The following KALRN variants were observed in gnomAD, a reference collection of about 807,000 sequenced individuals.
The protein encoded by KALRN is kalirin.
KALRN carries 70 observed loss-of-function variants against 353.7 expected under a neutral mutation model. The ratio of observed to expected loss-of-function variants is 0.20; its 90% CI spans 0.16 to 0.24. KALRN has a LOEUF of 0.24. Ranked by LOEUF, KALRN falls within the 10% of genes least tolerant of loss-of-function variation. The pLI is 1.00. For synonymous variants in KALRN, 1,391 were observed against 1,434.8 expected, an observed-to-expected ratio of 0.97 and a Z score of 0.69; for missense variants, 2,791 against 3,756.7, an observed-to-expected ratio of 0.74 and a Z score of 6.72.
chr3:124,444,437 T>C (rs1397457430), intron 19 of KALRN, among the ~76,000 whole-genome samples: 2 of 152,278 alleles, frequency 1.3e-5, no homozygotes, highest in East Asian at 3.9e-4. Flanking sequence ...CAACTGTACT[T>C]GCCTCTTTGG....
At chr3:124,086,350 TG>T (rs2060820918) in intron 1 of KALRN, among the ~76,000 whole-genome samples, 4 of 147,770 alleles carry the variant, frequency 2.7e-5, no homozygotes, top group Non-Finnish European at 6.0e-5. Flanking sequence ...TGTGTGTGTG[TG>T]TGTTTTTGCT....
intron 2 of KALRN, among the ~76,000 whole-genome samples, chr3:124,232,472 T>G (rs3821523): frequency 0.049 from 7,524 of 152,256 alleles, 302 homozygotes; most frequent in East Asian, 0.18. Flanking sequence ...CTCCTCTCTC[T>G]TGGAGTTCAA....
intron 3 of KALRN, among the ~76,000 whole-genome samples, chr3:124,249,872 C>T (rs907859329): frequency 4.6e-5 from 7 of 152,212 alleles, no homozygotes; most frequent in Admixed American, 2.6e-4. Flanking sequence ...TTCCCAGGTT[C>T]CCACTAGTGT....
At chr3:124,510,768 A>T (rs1014208894) in intron 33 of KALRN, among the ~76,000 whole-genome samples, 1 of 152,088 alleles carries the variant, frequency 6.6e-6, no homozygotes, top group Admixed American at 6.6e-5. Context: ...TCATGCTCCC[A>T]ATGAGAACTG....
intron 13 of KALRN, among the ~76,000 whole-genome samples, chr3:124,412,209 A>G (rs536849525): frequency 1.3e-5 from 2 of 152,208 alleles, no homozygotes; most frequent in Admixed American, 6.5e-5. Flanking sequence ...GCTTCAATCC[A>G]TCGTCTGTCT....
intron 6 of KALRN, among the ~76,000 whole-genome samples, chr3:124,310,085 A>T (rs34703684): frequency 6.6e-6 from 1 of 152,202 alleles, no homozygotes; most frequent in Non-Finnish European, 1.5e-5. Context: ...ATACAAAATG[A>T]ATAAACAAAA....
At chr3:124,094,801 C>T (rs371973204) in intron 1 of KALRN, 9 of 1,593,208 alleles carry the variant, frequency 5.6e-6, no homozygotes, top group East Asian at 2.2e-5. Flanking sequence ...GAGGCTCTGC[C>T]GAGGGGACTG....
chr3:124,203,267 G>GA (rs1181095375), intron 1 of KALRN, among the ~76,000 whole-genome samples: 2 of 152,134 alleles, frequency 1.3e-5, no homozygotes, highest in African/African-American at 4.8e-5. Context: ...CGTTATCCCT[G>GA]AGCTGAGAGT....
intron 20 of KALRN, among the ~76,000 whole-genome samples, chr3:124,446,515 G>A (rs2093843946): frequency 6.6e-6 from 1 of 152,198 alleles, no homozygotes; most frequent in Non-Finnish European, 1.5e-5. Flanking sequence ...CCTAATTCGT[G>A]GATGATATTA....
At chr3:124,461,040 C>T (rs763168128) in intron 23 of KALRN, among the ~76,000 whole-genome samples, 1 of 152,118 alleles carries the variant, frequency 6.6e-6, no homozygotes, top group Non-Finnish European at 1.5e-5. Flanking sequence ...ACTGAAATAG[C>T]TGAGAGGATA....
At chr3:124,127,960 T>G (rs2149665365) in intron 1 of KALRN, among the ~76,000 whole-genome samples, 1 of 152,330 alleles carries the variant, frequency 6.6e-6, no homozygotes, top group East Asian at 1.9e-4. Flanking sequence ...TTTTTTATGC[T>G]TATTCCACAG....
intron 5 of KALRN, among the ~76,000 whole-genome samples, chr3:124,280,841 A>G (rs1045426777): frequency 2.0e-5 from 3 of 152,122 alleles, no homozygotes; most frequent in African/African-American, 7.2e-5. Context: ...AGTAGTAGTT[A>G]CTGTTTCTCA....
At chr3:124,514,152 A>G (rs550700158) in intron 33 of KALRN, among the ~76,000 whole-genome samples, 1 of 152,210 alleles carries the variant, frequency 6.6e-6, no homozygotes, top group South Asian at 2.1e-4. Flanking sequence ...GGCTGCATCA[A>G]GTGATATTTC....
At chr3:124,369,683 C>G (rs2149783941) in intron 10 of KALRN, among the ~76,000 whole-genome samples, 1 of 152,264 alleles carries the variant, frequency 6.6e-6, no homozygotes, top group Admixed American at 6.5e-5. Context: ...CAATAGATCT[C>G]TTGAACATGT....
intron 25 of KALRN, among the ~76,000 whole-genome samples, chr3:124,471,936 C>G (rs1018053874): frequency 2.4e-4 from 32 of 135,584 alleles, no homozygotes; most frequent in African/African-American, 8.6e-4. Context: ...CACTGCACTC[C>G]AGCCTGAGTG....
chr3:124,083,073 G>A (rs2060625888), intron 1 of KALRN, among the ~76,000 whole-genome samples: 1 of 152,254 alleles, frequency 6.6e-6, no homozygotes, highest in Non-Finnish European at 1.5e-5. Flanking sequence ...CTCTTGGAGA[G>A]CAGCCTTGGT....
intron 29 of KALRN, 41 bp from the exon 30 acceptor site, chr3:124,490,653 C>T: frequency 1.3e-6 from 2 of 1,577,982 alleles, no homozygotes; most frequent in Non-Finnish European, 1.7e-6. Flanking sequence ...CTGACTGTGG[C>T]AGTAGAGAAA....
chr3:124,657,729 T>C lies in KALRN; in HGVS notation c.5967-5T>C. ...TTCCTTCTCTTATCCCCTTTCTCCT[T>C]TTAGTTTTTTCCTGGCGGAACTGGA... On this transcript the variant is annotated splice_region_variant and splice_polypyrimidine_tract_variant and intron_variant, in intron 40 of 59. Transcript: ENST00000682506. 1 of 1,609,368 alleles carries C rather than the reference T, an allele frequency of 6.2e-7. No homozygotes were observed. The highest frequency in any genetic ancestry group is 1.3e-5 in the African/African-American group (1 of 74,940).
intron 45 of KALRN, among the ~76,000 whole-genome samples, chr3:124,665,641 T>A (rs886864712): frequency 5.3e-5 from 8 of 152,042 alleles, no homozygotes; most frequent in Non-Finnish European, 1.2e-4. Context: ...ATTTTTATAT[T>A]TTTAGTAGAG....
Sources: allele counts gnomAD v4.1 joint callset (sites outside exome capture counted in the v4.1 genomes callset), GRCh38; gene constraint gnomAD v4.1.1; transcripts MANE v1.5; gene names NCBI Gene and HGNC (gene_info 2026-07-23, HGNC 2026-07-21).